Variants in DOCK1 observed in about 807,000 individuals in gnomAD.
DOCK1 encodes dedicator of cytokinesis protein 1.
Under a neutral mutation model 262.7 loss-of-function variants are expected in DOCK1, and 138 were observed. The ratio of observed to expected loss-of-function variants is 0.53; its 90% confidence interval spans 0.46 to 0.61. The LOEUF is 0.61. DOCK1 is among the 20% of genes least tolerant of loss of function. The pLI, the probability that DOCK1 is intolerant of heterozygous loss-of-function variation, is 0.00. For missense variants in DOCK1, 1,908 were observed against 2,370.7 expected (o/e 0.80, Z 4.05); for synonymous variants, 866 against 867.4 (o/e 1.00, Z 0.03).
rs57503481 is a variant in DOCK1, at chr10:127,148,030, C to CA, written c.2847+20295dup. ...TGGGCAACAGAGTGAGACTCTGTCTCAAAAAAAAAAAAAAAAAAAAAAAAA... is the reference window on the plus strand; with the variant it reads ...TGGGCAACAGAGTGAGACTCTGTCTCAAAAAAAAAAAAAAAAAAAAAAAAAA... On this transcript the variant is annotated intron_variant, in intron 27 of 51. Coordinates refer to ENST00000623213, the MANE Select transcript of DOCK1 (RefSeq NM_001290223.2). 6.3e-3 allele frequency among the ~76,000 whole-genome samples: 401 copies of CA among 63,282 alleles called. 4 individuals carry two copies. Among genetic ancestry groups the CA allele is most frequent in the South Asian group, 0.033 (29 of 890 alleles). The allele number at this position is 63,282 out of a possible 152,430, so 41.5% of individuals were successfully genotyped here.
intron 45 of DOCK1, 64 bp downstream of exon 45, chr10:127,418,605 G>T (rs182628523): frequency 2.0e-6 from 3 of 1,532,326 alleles, no homozygotes; most frequent in Non-Finnish European, 2.6e-6. Flanking sequence ...GAAAATTCCC[G>T]AGAGTCCCCA....
intron 33 of DOCK1, among the ~76,000 whole-genome samples, chr10:127,362,512 G>T (rs2064518955): frequency 6.6e-6 from 1 of 152,286 alleles, no homozygotes; most frequent in Non-Finnish European, 1.5e-5. Context: ...CTTGGTACGT[G>T]CTCTTGTAGA....
chr10:127,137,822 C>G (rs371439920), intron 27 of DOCK1: 119 of 1,604,968 alleles, frequency 7.4e-5, no homozygotes, highest in Non-Finnish European at 9.5e-5. Flanking sequence ...CTCGAGACTC[C>G]AGACACCGTG....
Position 127,201,153 on chromosome 10 carries a change from G to C in DOCK1, c.2848-46855G>C, listed in dbSNP as rs1378335196. ...GAACAAGACAGACACAATCCTCAAG[G>C]TGCCCCAGTGGGGCCTCCTTTTCTG... On this transcript the variant is annotated intron_variant, in intron 27 of 51. Transcript: ENST00000623213. Among the ~76,000 whole-genome samples the C allele has an allele frequency of 2.6e-5, 4 of 152,230 alleles. No homozygotes were observed. In the East Asian group the frequency reaches 7.7e-4, roughly 29 times the overall value.
At chr10:127,174,591 C>T (rs2054901617) in intron 27 of DOCK1, among the ~76,000 whole-genome samples, 1 of 152,066 alleles carries the variant, frequency 6.6e-6, no homozygotes, top group Non-Finnish European at 1.5e-5. Flanking sequence ...ATAGGGCAGC[C>T]CGTGGGGAAG....
intron 38 of DOCK1, among the ~76,000 whole-genome samples, chr10:127,393,003 G>A (rs904080376): frequency 2.6e-5 from 4 of 152,116 alleles, no homozygotes; most frequent in Admixed American, 6.5e-5. Flanking sequence ...GTGACCGAAC[G>A]GGCAGACAAG....
intron 27 of DOCK1, among the ~76,000 whole-genome samples, chr10:127,205,014 C>T (rs749612548): frequency 2.6e-5 from 4 of 152,014 alleles, no homozygotes; most frequent in Middle Eastern, 3.2e-3. Flanking sequence ...CTGGATGCCC[C>T]TAAGTTCTAA....
intron 27 of DOCK1, among the ~76,000 whole-genome samples, chr10:127,172,689 C>T (rs2054690062): frequency 6.6e-6 from 1 of 152,190 alleles, no homozygotes; most frequent in Non-Finnish European, 1.5e-5. Context: ...AGGAACACAA[C>T]AGAGACCTGC....
At chr10:127,199,784 T>C (rs1425284820) in intron 27 of DOCK1, among the ~76,000 whole-genome samples, 1 of 152,230 alleles carries the variant, frequency 6.6e-6, no homozygotes, top group Non-Finnish European at 1.5e-5. Flanking sequence ...TAGAAATTCA[T>C]GGAGATGCTT....
chr10:127,420,901 ATTTG>A (rs80287621), intron 46 of DOCK1, among the ~76,000 whole-genome samples: 76 of 124,638 alleles, frequency 6.1e-4, no homozygotes, highest in African/African-American at 2.0e-3. Context: ...TGAGCAGTTT[ATTTG>A]TTTGTTTGTT....
intron 27 of DOCK1, among the ~76,000 whole-genome samples, chr10:127,144,103 C>T (rs1263792140): frequency 6.6e-6 from 1 of 152,156 alleles, no homozygotes; most frequent in Non-Finnish European, 1.5e-5. Flanking sequence ...TGCTCTAGTC[C>T]AGAACTCCAG....
intron 19 of DOCK1, among the ~76,000 whole-genome samples, chr10:127,041,463 A>T (rs768821421): frequency 6.6e-6 from 1 of 152,172 alleles, no homozygotes; most frequent in East Asian, 1.9e-4. Context: ...TTGTCTTTCC[A>T]TTCATTAGTT....
chr10:127,067,653 A>G (rs1416160903), intron 23 of DOCK1, among the ~76,000 whole-genome samples: 1 of 152,040 alleles, frequency 6.6e-6, no homozygotes, highest in Non-Finnish European at 1.5e-5. Context: ...ATTCTAGACT[A>G]ATGTATTTCA....
chr10:127,309,741 T>C (rs1015621048), intron 29 of DOCK1, among the ~76,000 whole-genome samples: 5 of 152,186 alleles, frequency 3.3e-5, no homozygotes, highest in Non-Finnish European at 1.5e-5. Context: ...CTCTGATCAT[T>C]TTTAAGGCTG....
chr10:127,222,106 C>T (rs1299912654), intron 27 of DOCK1, among the ~76,000 whole-genome samples: 5 of 152,126 alleles, frequency 3.3e-5, no homozygotes, highest in African/African-American at 1.2e-4. Flanking sequence ...TTAATAGCGT[C>T]GTTCATTGCT....
intron 48 of DOCK1, among the ~76,000 whole-genome samples, chr10:127,436,622 T>A (rs2069704215): frequency 1.5e-5 from 2 of 131,528 alleles, no homozygotes; most frequent in Non-Finnish European, 3.3e-5. Context: ...TTTTAACTAA[T>A]CTTTTTTTTT....
chr10:126,991,234 T>C (rs555774648), intron 6 of DOCK1, among the ~76,000 whole-genome samples: 1 of 152,320 alleles, frequency 6.6e-6, no homozygotes, highest in South Asian at 2.1e-4. Context: ...GTACCTTCTA[T>C]GTTAGCACGT....
chr10:127,344,839 C>A (rs562687933), intron 31 of DOCK1, among the ~76,000 whole-genome samples: 2 of 152,164 alleles, frequency 1.3e-5, no homozygotes, highest in East Asian at 3.9e-4. Context: ...GCCATGCACT[C>A]CAGCCTGGGC....
intron 1 of DOCK1, among the ~76,000 whole-genome samples, chr10:126,963,510 A>G (rs985496681): frequency 1.3e-5 from 2 of 151,876 alleles, no homozygotes; most frequent in East Asian, 3.9e-4. Flanking sequence ...ACCAGGCTCT[A>G]AGAAACTTCC....
Sources: allele counts gnomAD v4.1 joint callset (sites outside exome capture counted in the v4.1 genomes callset), GRCh38; gene constraint gnomAD v4.1.1; transcripts MANE v1.5; gene names NCBI Gene and HGNC (gene_info 2026-07-23, HGNC 2026-07-21).